VIRMA: variants seen among roughly 807,000 people sequenced by gnomAD.
VIRMA encodes the protein protein virilizer homolog.
Under a neutral mutation model 182.4 loss-of-function variants are expected in VIRMA, and 65 were observed. That is an observed-to-expected ratio of 0.36 (90% CI 0.29 to 0.44). The LOEUF is 0.44. Among genes scored for constraint, VIRMA ranks in the 20% least tolerant of loss-of-function variants. The pLI is 1.00. For missense variants in VIRMA, 1,752 were observed against 2,158.1 expected, an observed-to-expected ratio of 0.81 and a Z score of 3.73; for synonymous variants, 709 against 743.1, an observed-to-expected ratio of 0.95 and a Z score of 0.75.
At chr8:94,551,724 T>A (rs1271762853) in intron 1 of VIRMA, among the ~76,000 whole-genome samples, 2 of 152,244 alleles carry the variant, frequency 1.3e-5, no homozygotes, top group Non-Finnish European at 2.9e-5. Context: ...TCTTTTTCCT[T>A]TTTCTCTTTC....
In VIRMA at chr8:94,529,188, A is replaced by G; in HGVS notation, c.762T>C (p.Asp254=). 2 of 1,432,982 alleles carry G rather than the reference A, an allele frequency of 1.4e-6. No individual in the cohort carries two copies. Among genetic ancestry groups the G allele is most frequent in the Non-Finnish European group, 2.0e-6 (2 of 1,015,614 alleles). The allele number at this position is 1,432,982 out of a possible 1,614,324, so 88.8% of individuals were successfully genotyped here. A position where few individuals can be genotyped will look rare whatever the true frequency, so the allele number is the denominator to read the frequency against. ...QQEEGEEDED[D]VDVEEEEDED... ...CATCCTCTTCTTCCTCTACATCCACATCATCTTCATCTTCTTCTCCTTCTT... is the reference window on the plus strand; with the variant it reads ...CATCCTCTTCTTCCTCTACATCCACGTCATCTTCATCTTCTTCTCCTTCTT... Residue 254 remains aspartate (D), a synonymous_variant, in exon 7 of 24, where the codon GAT becomes GAC. Coordinates refer to ENST00000297591, the MANE Select transcript of VIRMA (RefSeq NM_015496.5).
chr8:94,553,368 A>G lies in VIRMA; in HGVS notation c.63+17T>C. ...CAAGTCAAGAAGCAGCGTCAGAATC[A>G]AGTCGCCAAGCCTTACCTCAGCGCT... On this transcript the variant is annotated intron_variant, in intron 1 of 23. Transcript: ENST00000297591. The G allele has an allele frequency of 6.2e-7, 1 of 1,612,980 alleles. No individual in the cohort carries two copies. The highest frequency in any genetic ancestry group is 8.5e-7 in the Non-Finnish European group (1 of 1,178,982).
In VIRMA at chr8:94,495,711, T is replaced by C; in HGVS notation, c.4544+20A>G. On this transcript the variant is annotated intron_variant, in intron 19 of 23. Coordinates refer to ENST00000297591, the MANE Select transcript of VIRMA (RefSeq NM_015496.5). The stretch of plus-strand genomic sequence containing the variant: ...TTTAAAACCAACAGCTATTCAATCA[T>C]AAAACATTGTGTATTTTACCTATTG... 6.2e-7 allele frequency: 1 copy of C among 1,606,066 alleles called. No individual in the cohort carries two copies. Among genetic ancestry groups the C allele is most frequent in the Non-Finnish European group, 8.5e-7 (1 of 1,175,880 alleles).
At position 94,519,320 on chromosome 8, in the gene VIRMA, T is replaced by C; in HGVS notation, c.2178A>G (p.Glu726=). The C allele has an allele frequency of 6.2e-7, 1 of 1,611,636 alleles. No individual in the cohort carries two copies. The highest frequency in any genetic ancestry group is 8.5e-7 in the Non-Finnish European group (1 of 1,179,406). ...KGLLFFMSEY[E]ATNLLIRALC... is the part of the protein sequence containing the mutation. ...GAGCTCGGATCAATAAATTTGTTGC[T>C]TCATATTCCGACATAAAAAAAAGAA... The change falls in exon 9 of 24, where the codon GAA becomes GAG. Residue 726 remains glutamate, a synonymous_variant. Coordinates refer to ENST00000297591, the MANE Select transcript of VIRMA (RefSeq NM_015496.5).
rs540915266 is a variant in VIRMA, at chr8:94,488,927, C to T, written c.5285-67G>A. The T allele has an allele frequency of 3.9e-6, 6 of 1,531,386 alleles. No individual in the cohort carries two copies. The South Asian group carries it at 5.9e-5, about 15-fold the overall frequency. 94.9% of individuals were successfully genotyped at this position (1,531,386 alleles called of 1,614,324 possible). On this transcript the variant is annotated intron_variant, in intron 23 of 23. Transcript: ENST00000297591. ...CTTTTCCAAGATTATAAATACTAAT[C>T]TACGACACTGAGCTCAAACCAAGAA...
In VIRMA at chr8:94,511,189, G is replaced by A. The variant is rs761079725; in HGVS notation, c.3386C>T (p.Thr1129Ile). ...CATGTTATATGGAAGTGATACCTGA[G>A]TTGTTTGCATGGGCAATGGAAGAGG... ...LLPLPLPMQT[T>I]QVIEPHDISV... Residue 1129 changes from threonine (T) to isoleucine (I), a missense_variant, in exon 13 of 24, where the codon ACT becomes ATT. Thr to Ile is a moderately conservative substitution (Grantham distance 89, BLOSUM62 -1). Coordinates refer to ENST00000297591, the MANE Select transcript of VIRMA (RefSeq NM_015496.5). 2 of 1,613,356 alleles carry A rather than the reference G, an allele frequency of 1.2e-6. No individual in the cohort carries two copies. Among genetic ancestry groups the A allele is most frequent in the Admixed American group, 1.7e-5 (1 of 59,806 alleles).
intron 6 of VIRMA, among the ~76,000 whole-genome samples, chr8:94,530,496 CAA>C (rs35685716): frequency 2.9e-4 from 23 of 78,946 alleles, no homozygotes; most frequent in Non-Finnish European, 2.9e-4. Flanking sequence ...AAACCTGTCT[CAA>C]AAAAAAAAAA....
At chr8:94,493,598 AT>A (rs1407231846) in intron 20 of VIRMA, among the ~76,000 whole-genome samples, 2 of 152,216 alleles carry the variant, frequency 1.3e-5, no homozygotes, top group African/African-American at 4.8e-5. Context: ...GCATTATTGC[AT>A]AAAATTCTAC....
chr8:94,538,754 G>T (rs1815431415), intron 2 of VIRMA, among the ~76,000 whole-genome samples: 1 of 152,110 alleles, frequency 6.6e-6, no homozygotes, highest in Admixed American at 6.6e-5. Context: ...TGGGATTACA[G>T]GCACGCACCA....
Position 94,488,634 on chromosome 8 carries a change from G to C in VIRMA, c.*72C>G. On this transcript the variant is annotated 3_prime_UTR_variant, in exon 24 of 24. Coordinates refer to ENST00000297591, the MANE Select transcript of VIRMA (RefSeq NM_015496.5). ...CCAGATAACTGCTAAGTCTAAATTGGTCCTTCAATGTCTTATTTTTATTGT... is the reference window on the plus strand; with the variant it reads ...CCAGATAACTGCTAAGTCTAAATTGCTCCTTCAATGTCTTATTTTTATTGT... 1.4e-6 allele frequency: 2 copies of C among 1,438,194 alleles called. No individual in the cohort carries two copies. The highest frequency in any genetic ancestry group is 1.4e-5 in the African/African-American group (1 of 71,920). 89.1% of individuals were successfully genotyped at this position (1,438,194 alleles called of 1,614,324 possible). A position where few individuals can be genotyped will look rare whatever the true frequency, so the allele number is the denominator to read the frequency against.
intron 4 of VIRMA, among the ~76,000 whole-genome samples, chr8:94,535,747 A>G (rs1278640459): frequency 6.6e-6 from 1 of 151,318 alleles, no homozygotes; most frequent in Non-Finnish European, 1.5e-5. Context: ...GCCACTGCAC[A>G]CTCTAGCCTG....
chr8:94,525,474 GT>G (rs1364611662), intron 8 of VIRMA, among the ~76,000 whole-genome samples: 1 of 152,196 alleles, frequency 6.6e-6, no homozygotes, highest in Non-Finnish European at 1.5e-5. Flanking sequence ...CTAAGACAAG[GT>G]GTAACAGTTT....
chr8:94,518,973 G>A lies in VIRMA; in HGVS notation c.2513+12C>T. 2 of 1,577,522 alleles carry A rather than the reference G, an allele frequency of 1.3e-6. No individual in the cohort carries two copies. The highest frequency in any genetic ancestry group is 1.7e-6 in the Non-Finnish European group (2 of 1,165,844). On this transcript the variant is annotated intron_variant, in intron 9 of 23. Transcript: ENST00000297591. ...ACATCATAGAAAATTTAAGGAGTAA[G>A]TAGGAAATTACCCCAAGGCTTCTTT...
At chr8:94,542,232 T>A (rs917735564) in intron 2 of VIRMA, among the ~76,000 whole-genome samples, 1 of 152,242 alleles carries the variant, frequency 6.6e-6, no homozygotes, top group Non-Finnish European at 1.5e-5. Context: ...TATTAAGTTA[T>A]AAAACACACT....
chr8:94,534,703 C>T (rs1815276692), intron 5 of VIRMA, 136 bp downstream of exon 5: 7 of 971,298 alleles, frequency 7.2e-6, no homozygotes, highest in Non-Finnish European at 1.1e-5. Context: ...CTCCCTCCCT[C>T]TCTCCCCCTC....
rs753749622 is a variant in VIRMA, at chr8:94,526,849, T to C, written c.1395A>G (p.Ser465=). The C allele has an allele frequency of 1.2e-6, 2 of 1,614,104 alleles. No homozygotes were observed. The highest frequency in any genetic ancestry group is 4.5e-5 in the East Asian group (2 of 44,902). The change falls in exon 8 of 24, where the codon TCA becomes TCG. Residue 465 remains serine, a synonymous_variant. Coordinates refer to ENST00000297591, the MANE Select transcript of VIRMA (RefSeq NM_015496.5). ...CTCCTTGAGCCCCACATTCTGCTAG[T>C]GAGGACACTAATTTGGTCCCAGCTT... The part of the protein sequence containing the change: ...QLKAGTKLVS[S]LAECGAQGVT...
At chr8:94,492,553 T>C (rs1813640750) in intron 21 of VIRMA, 99 bp downstream of exon 21, 2 of 1,008,910 alleles carry the variant, frequency 2.0e-6, no homozygotes, top group Admixed American at 2.2e-5. Flanking sequence ...ATTACAGGCG[T>C]GAGCCACCGC....
chr8:94,489,711 AAT>A (rs1463512280), intron 23 of VIRMA, among the ~76,000 whole-genome samples: 2 of 152,146 alleles, frequency 1.3e-5, no homozygotes, highest in Non-Finnish European at 2.9e-5. Context: ...TAACATATAA[AAT>A]ATGTGTCAAT....
intron 8 of VIRMA, among the ~76,000 whole-genome samples, chr8:94,525,991 A>G (rs1814947785): frequency 6.6e-6 from 1 of 152,218 alleles, no homozygotes; most frequent in African/African-American, 2.4e-5. Flanking sequence ...ATCATTGTTA[A>G]TTACTAAAAT....
Sources: allele counts gnomAD v4.1 joint callset (sites outside exome capture counted in the v4.1 genomes callset), GRCh38; gene constraint gnomAD v4.1.1; transcripts MANE v1.5; gene names NCBI Gene and HGNC (gene_info 2026-07-23, HGNC 2026-07-21).